Variants in NOL10 observed in about 807,000 individuals in gnomAD.
The protein encoded by NOL10 is H_NH0074G24.1.
In NOL10, 58 loss-of-function variants were observed where a neutral mutation model predicts 103.5. The ratio of observed to expected loss-of-function variants is 0.56; its 90% CI spans 0.45 to 0.70. The LOEUF (loss-of-function observed/expected upper bound fraction) is 0.70, where lower values mean the gene tolerates loss of function less well. Among genes scored for constraint, NOL10 ranks in the 30% least tolerant of loss-of-function variants. NOL10 has a pLI of 0.00. For synonymous variants in NOL10, 287 were observed against 282.5 expected (o/e 1.02, Z -0.16); for missense variants, 763 against 807.3 (o/e 0.95, Z 0.67).
chr2:10,594,990 C>T (rs528396738), intron 17 of NOL10, among the ~76,000 whole-genome samples: 1 of 152,028 alleles, frequency 6.6e-6, no homozygotes, highest in South Asian at 2.1e-4. Context: ...GGCTCTATCT[C>T]AAAAAACAAA....
intron 6 of NOL10, among the ~76,000 whole-genome samples, chr2:10,670,162 A>G (rs1680835530): frequency 6.6e-6 from 1 of 152,188 alleles, no homozygotes; most frequent in Non-Finnish European, 1.5e-5. Context: ...CTATCTCCAA[A>G]TTTAGCACCA....
At chr2:10,661,309 A>C (rs1027947884) in intron 9 of NOL10, among the ~76,000 whole-genome samples, 1 of 152,050 alleles carries the variant, frequency 6.6e-6, no homozygotes, top group African/African-American at 2.4e-5. Flanking sequence ...TCCCGACCTC[A>C]GGTAATCCAC....
chr2:10,627,976 A>G (rs1399781250), intron 13 of NOL10, among the ~76,000 whole-genome samples: 1 of 152,198 alleles, frequency 6.6e-6, no homozygotes, highest in Non-Finnish European at 1.5e-5. Flanking sequence ...AAAGTAAATC[A>G]TATTTTTCAT....
intron 17 of NOL10, among the ~76,000 whole-genome samples, chr2:10,595,587 TGTTTTGTTTTGTTTTTGTTTG>T (rs1335831921): frequency 2.1e-5 from 3 of 144,808 alleles, no homozygotes; most frequent in African/African-American, 7.5e-5. Flanking sequence ...AATGTTTTTT[TGTTTTGTTTTGTTTTTGTTTG>T]TTTGTTTGTT....
At chr2:10,636,613 GA>G (rs56763235) in intron 13 of NOL10, among the ~76,000 whole-genome samples, 78,342 of 144,112 alleles carry the variant, frequency 0.54, 21,197 homozygotes, top group African/African-American at 0.64. Context: ...TTCAATCAAA[GA>G]AAAAAAAAAA....
At chr2:10,605,971 AAG>A (rs1409427204) in intron 14 of NOL10, among the ~76,000 whole-genome samples, 1 of 152,186 alleles carries the variant, frequency 6.6e-6, no homozygotes, top group Non-Finnish European at 1.5e-5. Context: ...ATTTGTTCCA[AAG>A]ACAACTAAGT....
intron 20 of NOL10, among the ~76,000 whole-genome samples, chr2:10,572,893 G>A (rs1237779295): frequency 6.6e-6 from 1 of 152,116 alleles, no homozygotes; most frequent in Non-Finnish European, 1.5e-5. Flanking sequence ...TGGCTCACAT[G>A]GGAGCTGGAA....
intron 6 of NOL10, among the ~76,000 whole-genome samples, chr2:10,669,079 A>AT (rs2148337580): frequency 6.6e-6 from 1 of 151,692 alleles, no homozygotes; most frequent in African/African-American, 2.4e-5. Context: ...TTATGGCTGA[A>AT]TTTTTTCTTT....
chr2:10,589,019 G>A (rs1213213794), intron 19 of NOL10, 24 bp downstream of exon 19: 6 of 1,611,186 alleles, frequency 3.7e-6, no homozygotes, highest in Non-Finnish European at 5.1e-6. Context: ...CATGTCAACT[G>A]TGCGCTCAGG....
intron 13 of NOL10, among the ~76,000 whole-genome samples, chr2:10,621,299 T>C (rs1677131711): frequency 6.6e-6 from 1 of 152,038 alleles, no homozygotes; most frequent in Admixed American, 6.5e-5. Context: ...TATAATTCAA[T>C]CAAAAATTTA....
At chr2:10,661,919 AC>A (rs773702180) in intron 9 of NOL10, among the ~76,000 whole-genome samples, 8 of 151,922 alleles carry the variant, frequency 5.3e-5, no homozygotes, top group Admixed American at 3.9e-4. Context: ...AAAAAAAAAA[AC>A]CCTCTAGTTT....
At chr2:10,588,937 C>T (rs756573239) in intron 19 of NOL10, 106 bp downstream of exon 19, 81 of 1,492,500 alleles carry the variant, frequency 5.4e-5, no homozygotes, top group Non-Finnish European at 7.2e-5. Flanking sequence ...ACCCTCTGCA[C>T]CTCCATCATC....
intron 20 of NOL10, among the ~76,000 whole-genome samples, chr2:10,573,104 G>A (rs1342427799): frequency 6.6e-6 from 1 of 151,634 alleles, no homozygotes; most frequent in African/African-American, 2.4e-5. Flanking sequence ...TGCACACATG[G>A]TAAACTGAGA....
intron 3 of NOL10, among the ~76,000 whole-genome samples, chr2:10,676,230 T>C (rs567937248): frequency 1.3e-5 from 2 of 152,340 alleles, no homozygotes; most frequent in East Asian, 3.9e-4. Flanking sequence ...TAGTATACAA[T>C]TGATACAACT....
chr2:10,591,305 G>A (rs932053350), intron 17 of NOL10, among the ~76,000 whole-genome samples: 2 of 152,072 alleles, frequency 1.3e-5, no homozygotes, highest in Non-Finnish European at 2.9e-5. Flanking sequence ...AGGGCTGCTC[G>A]GTAGTGCTGA....
intron 13 of NOL10, among the ~76,000 whole-genome samples, chr2:10,612,825 T>C (rs1290159554): frequency 6.6e-6 from 1 of 152,224 alleles, no homozygotes; most frequent in East Asian, 1.9e-4. Flanking sequence ...CTGGGCAATG[T>C]AGTGAGGCCT....
Position 10,639,081 on chromosome 2 carries a change from G to C in NOL10, c.1026+5239C>G, listed in dbSNP as rs951398765. ...GCCTCCCAAAGTGCTAGGATTACAGGCGTGAGCCACCATGCCTGGCCAACT... is the reference window on the plus strand; with the variant it reads ...GCCTCCCAAAGTGCTAGGATTACAGCCGTGAGCCACCATGCCTGGCCAACT... On this transcript the variant is annotated intron_variant, in intron 13 of 20. Transcript: ENST00000381685. 9.2e-5 allele frequency among the ~76,000 whole-genome samples: 14 copies of C among 151,754 alleles called. No individual in the cohort carries two copies. The Middle Eastern group carries it at 0.014, about 147-fold the overall frequency.
intron 20 of NOL10, among the ~76,000 whole-genome samples, chr2:10,576,522 G>A (rs893266687): frequency 2.0e-5 from 3 of 152,162 alleles, no homozygotes; most frequent in Admixed American, 6.5e-5. Context: ...ATATTATTGA[G>A]CCATAAAAAG....
intron 13 of NOL10, among the ~76,000 whole-genome samples, chr2:10,636,991 C>G (rs1678277634): frequency 2.0e-5 from 3 of 151,938 alleles, no homozygotes; most frequent in Non-Finnish European, 4.4e-5. Flanking sequence ...CACTTGAGGC[C>G]AGGAATTCAA....
Sources: gnomAD v4.1 joint callset for allele counts (sites outside exome capture counted in the v4.1 genomes callset) on GRCh38, gnomAD v4.1.1 for gene constraint, MANE v1.5 for transcripts, NCBI Gene and HGNC (gene_info 2026-07-23, HGNC 2026-07-21) for gene names.